ADAMTSL1: variants seen among roughly 807,000 people sequenced by gnomAD.
The protein encoded by ADAMTSL1 is ADAMTS-like protein 1.
Under a neutral mutation model 201.8 loss-of-function variants are expected in ADAMTSL1, and 126 were observed. That is an observed-to-expected ratio of 0.62 (90% CI 0.54 to 0.72). The LOEUF (loss-of-function observed/expected upper bound fraction) is 0.72. Ranked by LOEUF, ADAMTSL1 falls within the 30% of genes least tolerant of loss-of-function variation. ADAMTSL1 has a pLI of 0.00. For missense variants in ADAMTSL1, 2,679 were observed against 2,277.8 expected (o/e 1.18, Z -3.59); for synonymous variants, 1,121 against 903.4 (o/e 1.24, Z -4.32).
At chr9:18,274,081 G>A (rs1832491203) in intron 2 of ADAMTSL1, among the ~76,000 whole-genome samples, 1 of 152,232 alleles carries the variant, frequency 6.6e-6, no homozygotes, top group African/African-American at 2.4e-5. Flanking sequence ...CTATGGAAGA[G>A]AAATTTTGAA....
chr9:18,603,278 AG>A (rs2132550247), intron 4 of ADAMTSL1, among the ~76,000 whole-genome samples: 1 of 152,310 alleles, frequency 6.6e-6, no homozygotes, highest in South Asian at 2.1e-4. Context: ...ACTTGGAAAA[AG>A]TTATGCAGCT....
At chr9:18,824,055 A>C (rs2131224697) in intron 21 of ADAMTSL1, among the ~76,000 whole-genome samples, 1 of 152,112 alleles carries the variant, frequency 6.6e-6, no homozygotes, top group East Asian at 1.9e-4. Context: ...GAAGGAAGGA[A>C]GGAAGGGGAA....
At chr9:18,359,300 C>T (rs1229921437) in intron 2 of ADAMTSL1, among the ~76,000 whole-genome samples, 2 of 152,132 alleles carry the variant, frequency 1.3e-5, no homozygotes, top group Admixed American at 6.5e-5. Flanking sequence ...CTTCTGCCCC[C>T]ATCTTTTCCA....
intron 2 of ADAMTSL1, among the ~76,000 whole-genome samples, chr9:18,278,869 TA>T (rs1406779949): frequency 6.6e-6 from 1 of 152,166 alleles, no homozygotes; most frequent in Admixed American, 6.5e-5. Flanking sequence ...TTTCCCTTTT[TA>T]TTCCTCTGAC....
intron 23 of ADAMTSL1, among the ~76,000 whole-genome samples, chr9:18,883,796 T>C (rs1371987532): frequency 6.6e-6 from 1 of 152,218 alleles, no homozygotes; most frequent in East Asian, 1.9e-4. Context: ...ATATACCACA[T>C]TTTGTTTATC....
chr9:18,404,512 T>C (rs1234517645), intron 2 of ADAMTSL1, among the ~76,000 whole-genome samples: 1 of 152,240 alleles, frequency 6.6e-6, no homozygotes, highest in Non-Finnish European at 1.5e-5. Flanking sequence ...GCCTCTGAGG[T>C]GGTGCCCTGT....
intron 10 of ADAMTSL1, among the ~76,000 whole-genome samples, chr9:18,677,606 C>T (rs1369345873): frequency 6.6e-6 from 1 of 151,996 alleles, no homozygotes; most frequent in Non-Finnish European, 1.5e-5. Context: ...TCTGTTTTAT[C>T]TGTGATCTCT....
intron 1 of ADAMTSL1, among the ~76,000 whole-genome samples, chr9:17,941,955 T>G (rs557529970): frequency 1.3e-5 from 2 of 152,220 alleles, no homozygotes; most frequent in South Asian, 4.1e-4. Context: ...ACAGGCTAAT[T>G]GCCTACCAAA....
Position 18,207,294 on chromosome 9 carries a change from A to G in ADAMTSL1, c.207+43313A>G, listed in dbSNP as rs368625339. On this transcript the variant is annotated intron_variant, in intron 2 of 29. Transcript: ENST00000680146. ...AGATTACAAGAATATTATAATGGCA[A>G]TAGCTAACAATTATTGGGCACTTGT... Among the ~76,000 whole-genome samples, 14 of 152,322 alleles carry G rather than the reference A, an allele frequency of 9.2e-5. No individual in the cohort carries two copies. In the East Asian group the frequency reaches 1.7e-3, roughly 19 times the overall value.
At chr9:18,879,603 C>T (rs1220933998) in intron 23 of ADAMTSL1, among the ~76,000 whole-genome samples, 1 of 152,160 alleles carries the variant, frequency 6.6e-6, no homozygotes. Context: ...AACACCAATA[C>T]ATCTAAAAGA....
chr9:18,741,733 C>T lies in ADAMTSL1; in HGVS notation c.2007-11565C>T, dbSNP rs192939059. Among the ~76,000 whole-genome samples the T allele has an allele frequency of 4.3e-4, 66 of 152,298 alleles. 1 individual carries two copies. The East Asian group carries it at 0.011, about 25-fold the overall frequency. ...CTCTTCCTATCTTCTGATGGTCTGC[C>T]AGCAATCTTTAGCATCTGTCAGCCT... On this transcript the variant is annotated intron_variant, in intron 15 of 28. Transcript: ENST00000380548.
chr9:18,239,237 C>G (rs1830966877), intron 2 of ADAMTSL1, among the ~76,000 whole-genome samples: 1 of 152,172 alleles, frequency 6.6e-6, no homozygotes, highest in South Asian at 2.1e-4. Context: ...CATCAGTTTA[C>G]TCTCCCTTTT....
chr9:17,910,478 C>A lies in ADAMTSL1; in HGVS notation c.87+3556C>A, dbSNP rs1480679843. Among the ~76,000 whole-genome samples the A allele has an allele frequency of 2.9e-5, 2 of 68,400 alleles. 1 individual carries two copies. Among genetic ancestry groups the A allele is most frequent in the South Asian group, 2.0e-3 (2 of 1,014 alleles). 44.9% of individuals were successfully genotyped at this position (68,400 alleles called of 152,430 possible). On this transcript the variant is annotated intron_variant, in intron 1 of 29. Coordinates refer to the ADAMTSL1 transcript ENST00000680146. ...TTTTTCCTAACATTACACACATGTT[C>A]TTTCCTGTGCCACTTCTTAACCATT...
intron 2 of ADAMTSL1, among the ~76,000 whole-genome samples, chr9:18,518,549 T>C (rs1195422465): frequency 2.0e-5 from 3 of 152,214 alleles, no homozygotes; most frequent in South Asian, 2.1e-4. Flanking sequence ...TAGTCATCCA[T>C]TGATGGACAT....
intron 16 of ADAMTSL1, among the ~76,000 whole-genome samples, chr9:18,766,882 C>T (rs1206464504): frequency 3.9e-5 from 6 of 152,168 alleles, no homozygotes; most frequent in Non-Finnish European, 2.9e-5. Flanking sequence ...AGGACACAGA[C>T]ATTCAGACCA....
rs1025852723 is a variant in ADAMTSL1, at chr9:18,528,121, A to C, written c.192-5126A>C. Among the ~76,000 whole-genome samples the C allele has an allele frequency of 6.6e-5, 10 of 151,972 alleles. No individual in the cohort carries two copies. The East Asian group carries it at 1.9e-3, about 29-fold the overall frequency. ...TTGAACTCCTGACCTCACATGATCC[A>C]CCTGTCTTGGCCGCCCAAAGTGCTG... On this transcript the variant is annotated intron_variant, in intron 2 of 28. Transcript: ENST00000380548.
intron 21 of ADAMTSL1, among the ~76,000 whole-genome samples, chr9:18,825,003 T>C (rs1824455859): frequency 6.6e-6 from 1 of 152,070 alleles, no homozygotes; most frequent in African/African-American, 2.4e-5. Context: ...GCCAGGACTT[T>C]ACACTTTAAG....
intron 1 of ADAMTSL1, among the ~76,000 whole-genome samples, chr9:17,913,633 T>C (rs201068249): frequency 4.0e-5 from 6 of 151,550 alleles, no homozygotes; most frequent in African/African-American, 4.9e-5. Flanking sequence ...AGAGCAAACA[T>C]ATTCAAAAGC....
intron 7 of ADAMTSL1, 113 bp downstream of exon 7, chr9:18,639,524 G>C: frequency 1.6e-6 from 2 of 1,270,078 alleles, no homozygotes; most frequent in Non-Finnish European, 1.1e-6. Context: ...AAGCCCGTTT[G>C]TTACCCAGGA....
Sources: allele counts gnomAD v4.1 joint callset (sites outside exome capture counted in the v4.1 genomes callset), GRCh38; gene constraint gnomAD v4.1.1; transcripts MANE v1.5; gene names NCBI Gene and HGNC (gene_info 2026-07-23, HGNC 2026-07-21).